The following ABL1 variants were observed in gnomAD, a reference collection of about 807,000 sequenced individuals.
ABL1 encodes the protein tyrosine-protein kinase ABL1.
A neutral mutation model predicts 94.7 loss-of-function variants in ABL1; 11 were observed. The observed-to-expected ratio is 0.12, with a 90% CI of 0.07 to 0.19. The LOEUF (loss-of-function observed/expected upper bound fraction) is 0.19. ABL1 is among the 10% of genes least tolerant of loss of function. ABL1 has a pLI of 1.00. For missense variants in ABL1, 1,082 were observed against 1,489.4 expected, an observed-to-expected ratio of 0.73 and a Z score of 4.50; for synonymous variants, 656 against 622.4, an observed-to-expected ratio of 1.05 and a Z score of -0.80.
In ABL1 at chr9:130,796,920, C is replaced by CAAAAAA. The variant is rs10607745; in HGVS notation, c.137-57128_137-57123dup. On this transcript the variant is annotated intron_variant, in intron 1 of 10. Transcript: ENST00000372348. ...GGGCAACAAGAGCGAAACTTCATCT[C>CAAAAAA]AAAAAAAAAAAAAAAAAAAAAGGCA... Among the ~76,000 whole-genome samples the CAAAAAA allele has an allele frequency of 2.8e-4, 17 of 60,768 alleles. 1 individual carries two copies. Among genetic ancestry groups the CAAAAAA allele is most frequent in the African/African-American group, 9.1e-4 (16 of 17,524 alleles). 39.9% of individuals were successfully genotyped at this position (60,768 alleles called of 152,430 possible).
In ABL1 at chr9:130,819,478, C is replaced by CATTTTTAG. The variant is rs373208676; in HGVS notation, c.137-34585_137-34578dup. Among the ~76,000 whole-genome samples, 1,158 of 151,464 alleles carry CATTTTTAG rather than the reference C, an allele frequency of 7.6e-3. 16 individuals carry two copies. Among genetic ancestry groups the CATTTTTAG allele is most frequent in the African/African-American group, 0.026 (1,066 of 41,200 alleles). On this transcript the variant is annotated intron_variant, in intron 1 of 10. Coordinates refer to the ABL1 transcript ENST00000372348. ...ATTCCCAAATCTCTGATAAGTCAAG[C>CATTTTTAG]ATTTTTAGGAGAGCTAAACCAGCCA...
intron 1 of ABL1, among the ~76,000 whole-genome samples, chr9:130,799,075 A>G (rs1446237257): frequency 6.6e-6 from 1 of 152,112 alleles, no homozygotes; most frequent in Non-Finnish European, 1.5e-5. Flanking sequence ...AGTTCAGAAG[A>G]GCACTTTGCT....
intron 1 of ABL1, among the ~76,000 whole-genome samples, chr9:130,806,058 C>G (rs1285614169): frequency 6.6e-6 from 1 of 152,066 alleles, no homozygotes; most frequent in Non-Finnish European, 1.5e-5. Flanking sequence ...GCCCAGAGGA[C>G]CAGATTAAGA....
Position 130,872,188 on chromosome 9 carries a change from A to G in ABL1, c.882A>G (p.Lys294=). Residue 294 remains lysine (K), a synonymous_variant, in exon 5 of 11, where the codon AAA becomes AAG. Transcript: ENST00000318560. The surrounding 1 kb of genome is among the most constrained non-coding windows in gnomAD (Gnocchi z 5.0). ...AAGCTGCAGTCATGAAAGAGATCAA[A>G]CACCCTAACCTGGTGCAGCTCCTTG... is the stretch of plus-strand genomic sequence containing the variant. The part of the protein sequence containing the change: ...LKEAAVMKEI[K]HPNLVQLLGV... 1 of 1,614,174 alleles carries G rather than the reference A, an allele frequency of 6.2e-7. No individual in the cohort carries two copies. Among genetic ancestry groups the G allele is most frequent in the Non-Finnish European group, 8.5e-7 (1 of 1,180,000 alleles).
Position 130,843,137 on chromosome 9 carries a change from A to G in ABL1, c.79+7612A>G, listed in dbSNP as rs148561259. On this transcript the variant is annotated intron_variant, in intron 1 of 10. Coordinates refer to ENST00000318560, the MANE Select transcript of ABL1 (RefSeq NM_005157.6). ...TGCACTTTTCAGTACCTTGTAGCTA[A>G]AGACAGACAAGTGCAGGGTGTTCCA... Among the ~76,000 whole-genome samples, 88 of 152,332 alleles carry G rather than the reference A, an allele frequency of 5.8e-4. 1 individual carries two copies. Among genetic ancestry groups the G allele is most frequent in the Admixed American group, 5.6e-3 (86 of 15,298 alleles).
intron 1 of ABL1, among the ~76,000 whole-genome samples, chr9:130,739,536 T>C (rs1441687620): frequency 1.3e-5 from 2 of 152,192 alleles, no homozygotes; most frequent in Non-Finnish European, 2.9e-5. Context: ...AGAAAGCTAT[T>C]TGAAATTCAA....
chr9:130,772,591 G>T (rs1210646637), intron 1 of ABL1, among the ~76,000 whole-genome samples: 2 of 152,168 alleles, frequency 1.3e-5, no homozygotes, highest in Non-Finnish European at 2.9e-5. Flanking sequence ...AGGAGGAGAC[G>T]GGATCTGGGC....
intron 1 of ABL1, among the ~76,000 whole-genome samples, chr9:130,770,036 T>C (rs1327778891): frequency 6.6e-6 from 1 of 152,214 alleles, no homozygotes; most frequent in Admixed American, 6.5e-5. Flanking sequence ...CTTTTGTGTC[T>C]CTGAGTAGTA....
chr9:130,753,407 CT>C (rs1202717752), intron 1 of ABL1, among the ~76,000 whole-genome samples: 165 of 139,872 alleles, frequency 1.2e-3, no homozygotes, highest in African/African-American at 4.2e-3. Flanking sequence ...CTCATCTCTT[CT>C]TTTTTTTTCT....
At chr9:130,825,260 T>C (rs552984638) in intron 1 of ABL1, among the ~76,000 whole-genome samples, 1 of 152,232 alleles carries the variant, frequency 6.6e-6, no homozygotes, top group East Asian at 1.9e-4. Flanking sequence ...TTAGACAACT[T>C]GTTTTCTTTC....
upstream of ABL1, among the ~76,000 whole-genome samples, chr9:130,832,582 A>G (rs1830506107): frequency 6.6e-6 from 1 of 152,192 alleles, no homozygotes; most frequent in South Asian, 2.1e-4. Flanking sequence ...GTGAAATGGA[A>G]TTAAACTATA....
At chr9:130,725,778 TAC>T (rs551349983) in intron 1 of ABL1, among the ~76,000 whole-genome samples, 23 of 148,814 alleles carry the variant, frequency 1.5e-4, no homozygotes, top group African/African-American at 4.4e-4. Flanking sequence ...TATATATATA[TAC>T]ACACCAAATT....
intron 1 of ABL1, among the ~76,000 whole-genome samples, chr9:130,849,095 ATAT>A (rs1468952095): frequency 1.4e-4 from 21 of 152,162 alleles, no homozygotes; most frequent in African/African-American, 4.6e-4. Context: ...AACACTTAAT[ATAT>A]TATTGCGAGT....
intron 1 of ABL1, among the ~76,000 whole-genome samples, chr9:130,798,173 T>A (rs1830005362): frequency 6.6e-6 from 1 of 152,254 alleles, no homozygotes; most frequent in South Asian, 2.1e-4. Flanking sequence ...ATTAAGTTTG[T>A]TGAATATTCC....
intron 1 of ABL1, among the ~76,000 whole-genome samples, chr9:130,773,684 G>C (rs955325053): frequency 8.4e-6 from 1 of 119,420 alleles, no homozygotes; most frequent in African/African-American, 3.2e-5. Flanking sequence ...GTTTTACCAT[G>C]TTGCCTAGGC....
chr9:130,849,352 C>T (rs897050199), intron 1 of ABL1, among the ~76,000 whole-genome samples: 4 of 151,994 alleles, frequency 2.6e-5, no homozygotes, highest in African/African-American at 9.7e-5. Context: ...TTCCAGTTGC[C>T]CTCAATTTAT....
intron 1 of ABL1, among the ~76,000 whole-genome samples, chr9:130,843,399 C>T (rs752966091): frequency 1.3e-5 from 2 of 152,318 alleles, no homozygotes; most frequent in Admixed American, 6.5e-5. Context: ...TGAGCCCTCC[C>T]GACAGCCCAA....
chr9:130,847,971 G>C (rs533225699), intron 1 of ABL1, among the ~76,000 whole-genome samples: 9 of 152,290 alleles, frequency 5.9e-5, no homozygotes, highest in Non-Finnish European at 1.2e-4. Flanking sequence ...ATGTAACTTT[G>C]ATCAAATCCA....
intron 1 of ABL1, among the ~76,000 whole-genome samples, chr9:130,770,317 G>A (rs926355469): frequency 2.0e-5 from 3 of 152,050 alleles, no homozygotes; most frequent in Non-Finnish European, 4.4e-5. Flanking sequence ...GACCAGCTTG[G>A]GCAATGTAGC....
Sources: allele counts gnomAD v4.1 joint callset (sites outside exome capture counted in the v4.1 genomes callset), GRCh38; gene constraint gnomAD v4.1.1; non-coding constraint Gnocchi (gnomAD v3.1); transcripts MANE v1.5; gene names NCBI Gene and HGNC (gene_info 2026-07-23, HGNC 2026-07-21).